Variants in CHST11 observed in about 807,000 individuals in gnomAD.
The protein encoded by CHST11 is C4S-1.
Under a neutral mutation model 30.4 loss-of-function variants are expected in CHST11, and 9 were observed. That is an observed-to-expected ratio of 0.30 (90% CI 0.18 to 0.52). The LOEUF is 0.52. Among genes scored for constraint, CHST11 ranks in the 20% least tolerant of loss-of-function variants. CHST11 has a pLI of 0.97. For missense variants in CHST11, 348 were observed against 460.6 expected (o/e 0.76, Z 2.24); for synonymous variants, 152 against 187.8 (o/e 0.81, Z 1.56).
At chr12:104,654,061 T>A (rs879559216) in intron 2 of CHST11, among the ~76,000 whole-genome samples, 2 of 152,174 alleles carry the variant, frequency 1.3e-5, no homozygotes, top group Non-Finnish European at 2.9e-5. Flanking sequence ...GGTGTCAGGC[T>A]GAAGAGGGTC....
chr12:104,721,659 G>A (rs1375656004), intron 2 of CHST11, among the ~76,000 whole-genome samples: 1 of 152,026 alleles, frequency 6.6e-6, no homozygotes, highest in Non-Finnish European at 1.5e-5. Context: ...CTGGTATAAG[G>A]AGTTACGTGA....
At chr12:104,499,890 C>G (rs1158570241) in intron 1 of CHST11, among the ~76,000 whole-genome samples, 2 of 152,200 alleles carry the variant, frequency 1.3e-5, no homozygotes, top group Admixed American at 6.5e-5. Flanking sequence ...GCACCTGGTA[C>G]AGCCAGCCCA....
intron 1 of CHST11, among the ~76,000 whole-genome samples, chr12:104,479,607 T>C: frequency 6.6e-6 from 1 of 152,280 alleles, no homozygotes; most frequent in East Asian, 1.9e-4. Context: ...GTTTTTCTGA[T>C]GAATAACAAC....
chr12:104,722,687 C>T (rs550569375), intron 2 of CHST11, among the ~76,000 whole-genome samples: 4 of 152,124 alleles, frequency 2.6e-5, no homozygotes, highest in African/African-American at 4.8e-5. Context: ...TGTCTGGAGT[C>T]GTTGCTGGAA....
At chr12:104,749,405 T>C (rs931046326) in intron 2 of CHST11, among the ~76,000 whole-genome samples, 17 of 152,238 alleles carry the variant, frequency 1.1e-4, no homozygotes, top group African/African-American at 3.9e-4. Flanking sequence ...TTTTTTTCTA[T>C]TTTTATTTCA....
chr12:104,555,493 G>A (rs1390445279), intron 1 of CHST11, among the ~76,000 whole-genome samples: 1 of 152,172 alleles, frequency 6.6e-6, no homozygotes, highest in Non-Finnish European at 1.5e-5. Flanking sequence ...ATCATTTCCT[G>A]TCTTCTCTGC....
At chr12:104,546,000 G>C (rs1416284477) in intron 1 of CHST11, among the ~76,000 whole-genome samples, 1 of 152,022 alleles carries the variant, frequency 6.6e-6, no homozygotes, top group Admixed American at 6.6e-5. Context: ...CCACTTATGA[G>C]GGCTCTACCC....
chr12:104,618,369 C>T (rs940154481), intron 2 of CHST11, among the ~76,000 whole-genome samples: 1 of 151,816 alleles, frequency 6.6e-6, no homozygotes, highest in South Asian at 2.1e-4. Context: ...GACCACAGGC[C>T]TGGGCCACCA....
chr12:104,550,002 A>G (rs1407164134), intron 1 of CHST11, among the ~76,000 whole-genome samples: 2 of 152,208 alleles, frequency 1.3e-5, no homozygotes, highest in Non-Finnish European at 2.9e-5. Flanking sequence ...CCAGGTGAAA[A>G]GAGGCCACTC....
At chr12:104,738,251 C>G (rs973390909) in intron 2 of CHST11, among the ~76,000 whole-genome samples, 1 of 152,288 alleles carries the variant, frequency 6.6e-6, no homozygotes, top group South Asian at 2.1e-4. Flanking sequence ...TGGAGCCCTT[C>G]CCCTTCCCGA....
At position 104,712,726 on chromosome 12, in the gene CHST11, C is replaced by CTTT. The variant is rs1230229651; in HGVS notation, c.205-44222_205-44221insTTT. On this transcript the variant is annotated intron_variant, in intron 2 of 2. Coordinates refer to ENST00000303694, the MANE Select transcript of CHST11 (RefSeq NM_018413.6). The stretch of plus-strand genomic sequence containing the variant: ...TCCCCCTGACATTGCATGGAAATTC[C>CTTT]TAAAACCAACGTCATCATTCTTGAA... Among the ~76,000 whole-genome samples, 10 of 152,296 alleles carry CTTT rather than the reference C, an allele frequency of 6.6e-5. No homozygotes were observed. The East Asian group carries it at 1.9e-3, about 29-fold the overall frequency.
At chr12:104,690,793 A>C (rs961851441) in intron 2 of CHST11, among the ~76,000 whole-genome samples, 1 of 152,194 alleles carries the variant, frequency 6.6e-6, no homozygotes, top group Non-Finnish European at 1.5e-5. Context: ...GCACCACTGC[A>C]CTCCAGCCTG....
chr12:104,738,259 C>T (rs1281750557), intron 2 of CHST11, among the ~76,000 whole-genome samples: 1 of 152,162 alleles, frequency 6.6e-6, no homozygotes, highest in East Asian at 1.9e-4. Context: ...TTCCCCTTCC[C>T]GACCAGCTTT....
At chr12:104,721,121 T>A (rs2040172514) in intron 2 of CHST11, among the ~76,000 whole-genome samples, 1 of 152,208 alleles carries the variant, frequency 6.6e-6, no homozygotes, top group Non-Finnish European at 1.5e-5. Context: ...AAGGGGAATT[T>A]AATGCAAGAG....
At chr12:104,652,346 T>G (rs1056971120) in intron 2 of CHST11, among the ~76,000 whole-genome samples, 2 of 152,170 alleles carry the variant, frequency 1.3e-5, no homozygotes, top group Admixed American at 1.3e-4. Context: ...AGCTCCCCGA[T>G]GAGTTGAGCC....
intron 1 of CHST11, among the ~76,000 whole-genome samples, chr12:104,488,740 C>CGCGTGT (rs1313669274): frequency 4.8e-5 from 7 of 145,756 alleles, no homozygotes; most frequent in Admixed American, 6.8e-5. Context: ...TATGTGTACG[C>CGCGTGT]GTGTGTGTGT....
At chr12:104,499,274 G>A (rs933994770) in intron 1 of CHST11, among the ~76,000 whole-genome samples, 1 of 152,212 alleles carries the variant, frequency 6.6e-6, no homozygotes, top group African/African-American at 2.4e-5. Context: ...GGGTAGGAGT[G>A]TCTTTGGGAG....
chr12:104,536,151 C>G (rs777470024), intron 1 of CHST11, among the ~76,000 whole-genome samples: 1 of 152,136 alleles, frequency 6.6e-6, no homozygotes, highest in Non-Finnish European at 1.5e-5. Flanking sequence ...AAATGATGGA[C>G]TGGGAAAGTA....
chr12:104,501,028 G>A (rs1241547371), intron 1 of CHST11, among the ~76,000 whole-genome samples: 1 of 152,170 alleles, frequency 6.6e-6, no homozygotes, highest in East Asian at 1.9e-4. Flanking sequence ...ACAGCAAACA[G>A]CACCTGCTGT....
Sources: gnomAD v4.1 joint callset for allele counts (sites outside exome capture counted in the v4.1 genomes callset) on GRCh38, gnomAD v4.1.1 for gene constraint, MANE v1.5 for transcripts, NCBI Gene and HGNC (gene_info 2026-07-23, HGNC 2026-07-21) for gene names.